Variants in UPF2 observed in about 807,000 individuals in gnomAD.
The protein encoded by UPF2 is regulator of nonsense transcripts 2.
In UPF2, 17 loss-of-function variants were observed where a neutral mutation model predicts 141.4. The observed-to-expected ratio is 0.12, with a 90% CI of 0.08 to 0.18. The LOEUF (loss-of-function observed/expected upper bound fraction) is 0.18, where lower values mean the gene tolerates loss of function less well. Ranked by LOEUF, UPF2 falls within the 10% of genes least tolerant of loss-of-function variation. The pLI is 1.00. For synonymous variants in UPF2, 540 were observed against 498.0 expected (o/e 1.08, Z -1.12); for missense variants, 1,152 against 1,515.9 (o/e 0.76, Z 3.99).
At chr10:12,035,545 A>C in intron 1 of UPF2, 104 bp from the exon 2 acceptor site, 12 of 1,257,888 alleles carry the variant, frequency 9.5e-6, no homozygotes, top group Non-Finnish European at 1.3e-5. Context: ...TGGCAATTGT[A>C]AAAGAGTAAA....
intron 9 of UPF2, among the ~76,000 whole-genome samples, chr10:11,969,875 A>G (rs1258706828): frequency 2.0e-5 from 3 of 152,220 alleles, no homozygotes; most frequent in Non-Finnish European, 4.4e-5. Context: ...ATACTTGTAA[A>G]GCACATAAAA....
At position 11,948,430 on chromosome 10, in the gene UPF2, CCTTCTT is replaced by C; in HGVS notation, c.3107_3112del (p.Glu1036_Glu1037del). Reference sequence around the variant, plus strand: ...AGATTGTTCTTCTGTTTCAGCCCCACCTTCTTCTTCTTCTTCATCCTCTTCAAGATT... The same window carrying C: ...AGATTGTTCTTCTGTTTCAGCCCCACCTTCTTCTTCATCCTCTTCAAGATT... On this transcript the variant is annotated inframe_deletion, in exon 16 of 22. Transcript: ENST00000357604. 6.2e-7 allele frequency: 1 copy of C among 1,612,426 alleles called. No individual in the cohort carries two copies. The highest frequency in any genetic ancestry group is 1.1e-5 in the South Asian group (1 of 90,970).
chr10:11,997,732 A>C lies in UPF2; in HGVS notation c.1784T>G (p.Met595Arg). 1.2e-6 allele frequency: 2 copies of C among 1,613,864 alleles called. No individual in the cohort carries two copies. Among genetic ancestry groups the C allele is most frequent in the Non-Finnish European group, 1.7e-6 (2 of 1,179,864 alleles). Residue 595 changes from methionine to arginine, a missense_variant, in exon 8 of 22, where the codon ATG becomes AGG. Around this residue, in one of 4 missense-constraint regions of UPF2, gnomAD observed 739 missense variants for 1,032.2 expected, o/e 0.72. Transcript: ENST00000357604. ...DKAAMDFCMN[M>R]NTKANRKKLV... The stretch of plus-strand genomic sequence containing the variant: ...CTTCTTCCTGTTTGCTTTTGTGTTC[A>C]TGTTCATGCAAAAATCCATTGCTGC...
intron 18 of UPF2, among the ~76,000 whole-genome samples, chr10:11,942,139 C>T (rs544435864): frequency 2.0e-4 from 31 of 152,188 alleles, no homozygotes; most frequent in Non-Finnish European, 3.5e-4. Flanking sequence ...TTTGGGAGGC[C>T]GTAGCAGGAG....
At chr10:11,930,700 G>C (rs928276790) in intron 20 of UPF2, among the ~76,000 whole-genome samples, 3 of 152,184 alleles carry the variant, frequency 2.0e-5, no homozygotes, top group South Asian at 2.1e-4. Flanking sequence ...AGGATCACTT[G>C]AGCCCAGGAG....
intron 15 of UPF2, among the ~76,000 whole-genome samples, chr10:11,948,869 C>T (rs532660205): frequency 1.3e-5 from 2 of 152,032 alleles, no homozygotes; most frequent in African/African-American, 2.4e-5. Flanking sequence ...TAAGATACAG[C>T]GTTGGCCACA....
At chr10:11,929,531 G>C (rs529742851) in intron 21 of UPF2, among the ~76,000 whole-genome samples, 1 of 152,208 alleles carries the variant, frequency 6.6e-6, no homozygotes, top group East Asian at 1.9e-4. Flanking sequence ...CAGCTACTTG[G>C]GAGGCTGATG....
intron 9 of UPF2, among the ~76,000 whole-genome samples, chr10:11,973,772 G>C (rs1007269205): frequency 6.6e-6 from 1 of 152,168 alleles, no homozygotes; most frequent in Non-Finnish European, 1.5e-5. Context: ...GTACCATGCT[G>C]TTTTGGTTAC....
chr10:11,921,453 G>A lies in UPF2; in HGVS notation c.3810-146C>T, dbSNP rs1203775624. On this transcript the variant is annotated intron_variant, in intron 21 of 21. Coordinates refer to ENST00000357604, the MANE Select transcript of UPF2 (RefSeq NM_015542.4). This position sits in a 1 kb window ranked among gnomAD's most constrained non-coding sequence, Gnocchi z 5.9. ...GGCATCTGCGGGTTCCACATCCATG[G>A]ACCAAAAATATTCGGGGGAAAAAAA... 5 of 834,090 alleles carry A rather than the reference G, an allele frequency of 6.0e-6. No individual in the cohort carries two copies. Among genetic ancestry groups the A allele is most frequent in the African/African-American group, 3.4e-5 (2 of 58,280 alleles). 51.7% of individuals were successfully genotyped at this position (834,090 alleles called of 1,614,324 possible).
chr10:12,033,212 T>C (rs1480684199), intron 2 of UPF2, among the ~76,000 whole-genome samples: 1 of 151,936 alleles, frequency 6.6e-6, no homozygotes, highest in Non-Finnish European at 1.5e-5. Context: ...CAGACTAACT[T>C]AGAAAAAAAA....
At chr10:11,984,517 G>A (rs529006207) in intron 8 of UPF2, among the ~76,000 whole-genome samples, 2 of 151,940 alleles carry the variant, frequency 1.3e-5, no homozygotes, top group African/African-American at 2.4e-5. Flanking sequence ...AACAAAGTTT[G>A]TGATAAAACA....
intron 1 of UPF2, among the ~76,000 whole-genome samples, chr10:12,036,457 A>G (rs1834626886): frequency 1.3e-5 from 2 of 152,240 alleles, no homozygotes; most frequent in Non-Finnish European, 2.9e-5. Context: ...CTGTATTTCA[A>G]GTGCTCAATT....
At chr10:12,013,194 A>G (rs927812109) in intron 4 of UPF2, among the ~76,000 whole-genome samples, 2 of 151,934 alleles carry the variant, frequency 1.3e-5, no homozygotes, top group African/African-American at 4.8e-5. Context: ...CACAGTATAC[A>G]ATAGGTATTT....
rs1050539345 is a variant in UPF2, at chr10:11,939,071, C to T, written c.3379-2359G>A. On this transcript the variant is annotated intron_variant, in intron 18 of 21. Coordinates refer to ENST00000357604, the MANE Select transcript of UPF2 (RefSeq NM_015542.4). This position sits in a 1 kb window ranked among gnomAD's most constrained non-coding sequence, Gnocchi z 4.8. ...GTATTTACTGGAGACGGGGTTTCAC[C>T]GTGTTAGCTAGGAGGGTCTCGATCT... Among the ~76,000 whole-genome samples, 2 of 151,690 alleles carry T rather than the reference C, an allele frequency of 1.3e-5. No homozygotes were observed. The highest frequency in any genetic ancestry group is 4.8e-5 in the African/African-American group (2 of 41,254).
intron 6 of UPF2, among the ~76,000 whole-genome samples, chr10:12,001,212 G>A (rs1189583695): frequency 2.0e-5 from 3 of 152,092 alleles, no homozygotes; most frequent in African/African-American, 7.2e-5. Flanking sequence ...TCAGGAGTTC[G>A]AGACAAGCCT....
At chr10:11,938,871 T>TTTTTTG (rs1832898528) in intron 18 of UPF2, among the ~76,000 whole-genome samples, 1 of 107,562 alleles carries the variant, frequency 9.3e-6, no homozygotes, top group Non-Finnish European at 1.9e-5. Context: ...TTTTTTTTTT[T>TTTTTTG]TTTTTTTTTT....
rs926618713 is a variant in UPF2 at position 11,940,192 on chromosome 10, G to A, written c.3378+2473C>T. 1.3e-5 allele frequency among the ~76,000 whole-genome samples: 2 copies of A among 152,122 alleles called. No individual in the cohort carries two copies. The highest frequency in any genetic ancestry group is 2.1e-4 in the South Asian group (1 of 4,828). ...ACATCTCCTGCAAAAATGTGAATTC[G>A]AACTTCCCTCCTCGATTACATCTTC... On this transcript the variant is annotated intron_variant, in intron 18 of 21. Transcript: ENST00000357604. This position sits in a 1 kb window ranked among gnomAD's most constrained non-coding sequence, Gnocchi z 4.2.
At chr10:12,034,962 C>A in intron 2 of UPF2, 97 bp downstream of exon 2, 1 of 1,478,316 alleles carries the variant, frequency 6.8e-7, no homozygotes, top group African/African-American at 1.4e-5. Flanking sequence ...TCTTAAAGAG[C>A]TGCACCCAGG....
chr10:12,036,236 T>C (rs189063854), intron 1 of UPF2, among the ~76,000 whole-genome samples: 1 of 152,318 alleles, frequency 6.6e-6, no homozygotes, highest in East Asian at 1.9e-4. Flanking sequence ...ATGTGCTCTG[T>C]AGGAGGTTTA....
Sources: gnomAD v4.1 joint callset for allele counts (sites outside exome capture counted in the v4.1 genomes callset) on GRCh38, gnomAD v4.1.1 for gene constraint, gnomAD v4.1.1 regional missense constraint, Gnocchi (gnomAD v3.1) non-coding constraint, MANE v1.5 for transcripts, NCBI Gene and HGNC (gene_info 2026-07-23, HGNC 2026-07-21) for gene names.